PLCE1: variants seen among roughly 807,000 people sequenced by gnomAD.
PLCE1 encodes 1-phosphatidylinositol 4,5-bisphosphate phosphodiesterase epsilon-1.
Under a neutral mutation model 242.8 loss-of-function variants are expected in PLCE1, and 119 were observed. The observed-to-expected ratio is 0.49, with a 90% confidence interval of 0.42 to 0.57. The LOEUF is 0.57. PLCE1 is among the 20% of genes least tolerant of loss of function. PLCE1 has a pLI of 0.00. For synonymous variants in PLCE1, 945 were observed against 1,017.4 expected (o/e 0.93, Z 1.35); for missense variants, 2,441 against 2,788.8 (o/e 0.88, Z 2.81).
intron 2 of PLCE1, among the ~76,000 whole-genome samples, chr10:94,085,929 C>A (rs981273264): frequency 2.0e-5 from 3 of 152,172 alleles, no homozygotes; most frequent in Non-Finnish European, 4.4e-5. Flanking sequence ...AATAATAATA[C>A]AATTTTAAAA....
intron 4 of PLCE1, among the ~76,000 whole-genome samples, chr10:94,183,530 G>A (rs776926335): frequency 6.6e-4 from 101 of 152,260 alleles, no homozygotes; most frequent in Non-Finnish European, 1.2e-3. Flanking sequence ...TCACTTAGCA[G>A]CTTCAGTGTC....
intron 4 of PLCE1, among the ~76,000 whole-genome samples, chr10:94,197,079 GA>G (rs1289447262): frequency 6.6e-6 from 1 of 152,146 alleles, no homozygotes; most frequent in East Asian, 1.9e-4. Context: ...TGTATAAATT[GA>G]ATCACACAAT....
At chr10:94,188,533 G>C (rs1265971559) in intron 4 of PLCE1, among the ~76,000 whole-genome samples, 2 of 152,136 alleles carry the variant, frequency 1.3e-5, no homozygotes, top group African/African-American at 4.8e-5. Flanking sequence ...GGCTCCTACT[G>C]TCCATCACTG....
rs10661238 is a variant in PLCE1 at position 94,218,903 on chromosome 10, T to TA, written c.1810-8397dup. On this transcript the variant is annotated intron_variant, in intron 4 of 32. Coordinates refer to ENST00000371380, the MANE Select transcript of PLCE1 (RefSeq NM_016341.4). ...AAAATAATAATTTTATATATAATTA[T>TA]AAAAAATCTGACTATAAAAATTTTA... Among the ~76,000 whole-genome samples the TA allele has an allele frequency of 8.6e-3, 1,255 of 146,094 alleles. 10 individuals are homozygous for TA. The highest frequency in any genetic ancestry group is 0.015 in the African/African-American group (610 of 40,382).
rs2061576723 is a variant in PLCE1, at chr10:94,032,344, A to G, written c.1206+92A>G. 7 of 1,159,446 alleles carry G rather than the reference A, an allele frequency of 6.0e-6. No individual in the cohort carries two copies. In the South Asian group the frequency reaches 7.8e-5, roughly 13 times the overall value. The allele number at this position is 1,159,446 out of a possible 1,614,324, so 71.8% of individuals were successfully genotyped here. A position where few individuals can be genotyped will look rare whatever the true frequency, so the allele number is the denominator to read the frequency against. Reference sequence around the variant, plus strand: ...TTTCCATTGTCATAATTGATGAGAAATTTTAAGATCTGTCAAATTATGATT... The same window carrying G: ...TTTCCATTGTCATAATTGATGAGAAGTTTTAAGATCTGTCAAATTATGATT... On this transcript the variant is annotated intron_variant, in intron 2 of 32. Transcript: ENST00000371380.
chr10:94,223,252 A>AAAAAAAG (rs2049822377), intron 4 of PLCE1, among the ~76,000 whole-genome samples: 1 of 151,096 alleles, frequency 6.6e-6, no homozygotes, highest in Admixed American at 6.6e-5. Context: ...AAAAAAAAAA[A>AAAAAAAG]TTGAATCTGG....
At chr10:94,101,098 T>C (rs60787136) in intron 2 of PLCE1, among the ~76,000 whole-genome samples, 2,544 of 152,190 alleles carry the variant, frequency 0.017, 61 homozygotes, top group African/African-American at 0.058. Context: ...AATATGGTCA[T>C]TGTTTGTCAG....
intron 1 of PLCE1, among the ~76,000 whole-genome samples, chr10:94,020,023 A>G (rs1385101435): frequency 2.6e-5 from 4 of 152,212 alleles, no homozygotes; most frequent in Non-Finnish European, 5.9e-5. Context: ...TCTTCTACGA[A>G]TAGAATTTTT....
At chr10:94,038,093 T>A (rs1004460239) in intron 2 of PLCE1, among the ~76,000 whole-genome samples, 1 of 152,076 alleles carries the variant, frequency 6.6e-6, no homozygotes, top group Non-Finnish European at 1.5e-5. Context: ...ACAACCTGTA[T>A]TTTGCAGACC....
intron 4 of PLCE1, among the ~76,000 whole-genome samples, chr10:94,223,690 G>A (rs984169179): frequency 6.6e-6 from 1 of 152,144 alleles, no homozygotes; most frequent in African/African-American, 2.4e-5. Context: ...TTCTGGGAGA[G>A]GTGCTTAAAG....
chr10:94,273,816 C>A, intron 19 of PLCE1, 96 bp downstream of exon 19: 1 of 1,178,784 alleles, frequency 8.5e-7, no homozygotes, highest in South Asian at 1.2e-5. Context: ...TGCTGGTTTA[C>A]TAGTTTTTCA....
chr10:94,189,242 T>A (rs1405761097), intron 4 of PLCE1, among the ~76,000 whole-genome samples: 2 of 148,778 alleles, frequency 1.3e-5, no homozygotes, highest in Non-Finnish European at 3.0e-5. Flanking sequence ...CTAAAGACTA[T>A]ATATAGACAT....
At chr10:94,171,126 G>A in intron 3 of PLCE1, 54 bp from the exon 4 acceptor site, 2 of 1,405,608 alleles carry the variant, frequency 1.4e-6, no homozygotes, top group African/African-American at 1.4e-5. Flanking sequence ...GTAAATATCT[G>A]TTGCAGGGGA....
At chr10:94,114,653 A>G (rs571023528) in intron 2 of PLCE1, among the ~76,000 whole-genome samples, 4 of 152,212 alleles carry the variant, frequency 2.6e-5, no homozygotes, top group East Asian at 1.9e-4. Flanking sequence ...AATAATCGAG[A>G]GTTCACAGTA....
chr10:94,056,977 A>T (rs2043924488), intron 2 of PLCE1, among the ~76,000 whole-genome samples: 1 of 152,200 alleles, frequency 6.6e-6, no homozygotes, highest in Admixed American at 6.5e-5. Flanking sequence ...AGCATATGTT[A>T]GTACTTCACT....
chr10:94,291,704 A>C (rs1281801855), intron 22 of PLCE1, among the ~76,000 whole-genome samples: 3 of 152,168 alleles, frequency 2.0e-5, no homozygotes, highest in Non-Finnish European at 4.4e-5. Flanking sequence ...GGAGTTCAAG[A>C]TCAGCCTGGA....
intron 28 of PLCE1, among the ~76,000 whole-genome samples, chr10:94,315,776 A>T (rs1227016067): frequency 2.4e-5 from 2 of 82,776 alleles, no homozygotes; most frequent in African/African-American, 5.1e-5. Context: ...TCTCAAAAAA[A>T]AAAAAAAAAA....
chr10:94,170,965 C>T (rs1273726528), intron 3 of PLCE1, among the ~76,000 whole-genome samples: 1 of 152,146 alleles, frequency 6.6e-6, no homozygotes, highest in African/African-American at 2.4e-5. Context: ...ACCACCACCA[C>T]CACCGCCACT....
intron 1 of PLCE1, among the ~76,000 whole-genome samples, chr10:94,000,407 G>A (rs1435112477): frequency 6.6e-6 from 1 of 152,186 alleles, no homozygotes; most frequent in Non-Finnish European, 1.5e-5. Context: ...TTATAGAGGG[G>A]TAACAGTAGT....
Sources: allele counts gnomAD v4.1 joint callset (sites outside exome capture counted in the v4.1 genomes callset), GRCh38; gene constraint gnomAD v4.1.1; transcripts MANE v1.5; gene names NCBI Gene and HGNC (gene_info 2026-07-23, HGNC 2026-07-21).